The following TGFBRAP1 variants were observed in gnomAD, a reference collection of about 807,000 sequenced individuals.
TGFBRAP1 encodes the protein transforming growth factor beta receptor associated protein 1, also known as transforming growth factor-beta receptor-associated protein 1.
In TGFBRAP1, 20 loss-of-function variants were observed where a neutral mutation model predicts 83.2. That is an observed-to-expected ratio of 0.24 (90% CI 0.17 to 0.35). The LOEUF is 0.35. Among genes scored for constraint, TGFBRAP1 ranks in the 10% least tolerant of loss-of-function variants. TGFBRAP1 has a pLI of 1.00. For missense variants in TGFBRAP1, 950 were observed against 1,099.4 expected (o/e 0.86, Z 1.92); for synonymous variants, 415 against 459.8 (o/e 0.90, Z 1.25).
At chr2:105,285,930 C>T (rs1226127356) in intron 4 of TGFBRAP1, among the ~76,000 whole-genome samples, 2 of 152,150 alleles carry the variant, frequency 1.3e-5, no homozygotes, top group Admixed American at 1.3e-4. Context: ...CGTTCTGTTG[C>T]CTGGGAATGC....
At chr2:105,252,420 C>G in the TGFBRAP1 span, among the ~76,000 whole-genome samples, 1 of 152,220 alleles carries the variant, frequency 6.6e-6, no homozygotes, top group Non-Finnish European at 1.5e-5. Context: ...AGCAGCCAGT[C>G]TAGGCCACTA....
At chr2:105,279,807 G>A (rs1018649907) in intron 6 of TGFBRAP1, among the ~76,000 whole-genome samples, 6 of 152,200 alleles carry the variant, frequency 3.9e-5, no homozygotes, top group Non-Finnish European at 7.4e-5. Context: ...GGAGGCCGAG[G>A]CGAGCAGACC....
chr2:105,284,661 C>T (rs1348929652), intron 4 of TGFBRAP1, among the ~76,000 whole-genome samples: 1 of 152,188 alleles, frequency 6.6e-6, no homozygotes, highest in East Asian at 1.9e-4. Context: ...AGTCCCTGTA[C>T]TTGTGATTGC....
intron 3 of TGFBRAP1, among the ~76,000 whole-genome samples, chr2:105,297,561 T>A (rs1277199211): frequency 6.6e-6 from 1 of 152,368 alleles, no homozygotes; most frequent in East Asian, 1.9e-4. Context: ...GCAAGGGTAA[T>A]GTTTGGTGAA....
At chr2:105,270,126 A>G (rs1030875431) in intron 10 of TGFBRAP1, among the ~76,000 whole-genome samples, 1 of 152,074 alleles carries the variant, frequency 6.6e-6, no homozygotes, top group Admixed American at 6.5e-5. Flanking sequence ...AATCCTAACA[A>G]ACACTACTTC....
At chr2:105,288,615 C>T (rs1209330123) in intron 4 of TGFBRAP1, among the ~76,000 whole-genome samples, 2 of 152,106 alleles carry the variant, frequency 1.3e-5, no homozygotes, top group Non-Finnish European at 2.9e-5. Flanking sequence ...CTTGTAAGTA[C>T]AGCTAAATTC....
chr2:105,293,454 T>A (rs1340334594), intron 4 of TGFBRAP1, among the ~76,000 whole-genome samples: 14 of 152,156 alleles, frequency 9.2e-5, no homozygotes, highest in Non-Finnish European at 1.0e-4. Flanking sequence ...CCTTGCTAAT[T>A]CAGAACTCAG....
the TGFBRAP1 span, among the ~76,000 whole-genome samples, chr2:105,256,702 C>A: frequency 6.6e-6 from 1 of 152,194 alleles, no homozygotes; most frequent in African/African-American, 2.4e-5. Context: ...TCAGAGGCGT[C>A]TGAACCAGAG....
chr2:105,262,346 A>AGG (rs1676808719), downstream of TGFBRAP1, among the ~76,000 whole-genome samples: 1 of 152,114 alleles, frequency 6.6e-6, no homozygotes, highest in Admixed American at 6.6e-5. Context: ...GGCTGTTTAA[A>AGG]GGAGTCTGGC....
At chr2:105,260,282 C>T (rs753635405), downstream of TGFBRAP1, among the ~76,000 whole-genome samples, 5 of 152,088 alleles carry the variant, frequency 3.3e-5, no homozygotes, top group Admixed American at 6.6e-5. Context: ...TGGTGGCATG[C>T]GCCTATAATC....
chr2:105,314,045 T>C (rs1385496440), intron 1 of TGFBRAP1, among the ~76,000 whole-genome samples: 1 of 151,930 alleles, frequency 6.6e-6, no homozygotes, highest in African/African-American at 2.4e-5. Context: ...TAATCAAATA[T>C]GACTGTGTCC....
rs565327314 is a variant in TGFBRAP1 at position 105,269,254 on chromosome 2, G to T, written c.2406+18C>A. The T allele has an allele frequency of 1.2e-5, 19 of 1,565,746 alleles. No homozygotes were observed. The highest frequency in any genetic ancestry group is 1.6e-5 in the Non-Finnish European group (18 of 1,149,154). On this transcript the variant is annotated intron_variant, in intron 11 of 11. Coordinates refer to ENST00000393359, the MANE Select transcript of TGFBRAP1 (RefSeq NM_004257.6). The surrounding 1 kb of genome is among the most constrained non-coding windows in gnomAD (Gnocchi z 4.1). Reference sequence around the variant, plus strand: ...ATGTTGACTGACCAGGAAGCAGCTCGTGGGGGCCAGCACTTACCTTATCGT... The same window carrying T: ...ATGTTGACTGACCAGGAAGCAGCTCTTGGGGGCCAGCACTTACCTTATCGT...
intron 4 of TGFBRAP1, among the ~76,000 whole-genome samples, chr2:105,292,707 CA>C (rs1349332083): frequency 6.6e-6 from 1 of 151,632 alleles, no homozygotes; most frequent in African/African-American, 2.4e-5. Context: ...ACAGACCAGA[CA>C]GTAAAAGGGG....
intron 1 of TGFBRAP1, among the ~76,000 whole-genome samples, chr2:105,314,289 C>T (rs1264479966): frequency 1.4e-4 from 19 of 138,300 alleles, no homozygotes; most frequent in Admixed American, 5.4e-4. Context: ...CTCGCTCTGT[C>T]GCCCAGGCTG....
intron 1 of TGFBRAP1, among the ~76,000 whole-genome samples, chr2:105,314,283 C>G (rs1007249922): frequency 1.1e-4 from 15 of 141,306 alleles, no homozygotes; most frequent in Middle Eastern, 3.8e-3. Context: ...GACAGTCTCG[C>G]TCTGTCGCCC....
In TGFBRAP1 at chr2:105,275,629, A is replaced by G. The variant is rs2104323147; in HGVS notation, c.1596T>C (p.Phe532=). The G allele has an allele frequency of 3.1e-6, 5 of 1,614,248 alleles. No individual in the cohort carries two copies. The highest frequency in any genetic ancestry group is 4.2e-6 in the Non-Finnish European group (5 of 1,180,056). ...RSDLYEYIVD[F]LTYCLDEELV... is the part of the protein sequence containing the mutation. ...GTTCCTCGTCTAAGCAGTAGGTAAG[A>G]AAATCCACGATGTATTCATACAGGT... is the stretch of plus-strand genomic sequence containing the variant. The change falls in exon 8 of 12, where the codon TTT becomes TTC. Residue 532 remains phenylalanine, a synonymous_variant. Transcript: ENST00000393359.
chr2:105,266,319 G>A lies in TGFBRAP1; in HGVS notation c.*1064C>T, dbSNP rs889948760. 2.6e-5 allele frequency: 4 copies of A among 152,190 alleles called. No individual in the cohort carries two copies. Among genetic ancestry groups the A allele is most frequent in the African/African-American group, 9.7e-5 (4 of 41,448 alleles). 9.4% of individuals were successfully genotyped at this position (152,190 alleles called of 1,614,324 possible). A position where few individuals can be genotyped will look rare whatever the true frequency, so the allele number is the denominator to read the frequency against. On this transcript the variant is annotated 3_prime_UTR_variant, in exon 12 of 12. Coordinates refer to ENST00000393359, the MANE Select transcript of TGFBRAP1 (RefSeq NM_004257.6). Reference sequence around the variant, plus strand: ...TCCACCCGCTGTCGGTCCTGCTAAAGGTACGAGGCTAAAACCGGCCTCTCC... The same window carrying A: ...TCCACCCGCTGTCGGTCCTGCTAAAAGTACGAGGCTAAAACCGGCCTCTCC...
rs376885416 is a variant in TGFBRAP1 at position 105,267,390 on chromosome 2, C to T, written c.2576G>A (p.Arg859Gln). 32 of 1,613,940 alleles carry T rather than the reference C, an allele frequency of 2.0e-5. No homozygotes were observed. Among genetic ancestry groups the T allele is most frequent in the African/African-American group, 1.7e-4 (13 of 74,890 alleles). Residue 859 changes from arginine to glutamine, a missense_variant, in exon 12 of 12, where the codon CGG (arginine) becomes CAG (glutamine). Coordinates refer to ENST00000393359, the MANE Select transcript of TGFBRAP1 (RefSeq NM_004257.6). ...TNPSSSSPGT[R>Q]T Reference sequence around the variant, plus strand: ...ACCCTTGGGCCAAGCTTTTCAAGTCCGAGTGCCAGGACTGGATGAGCTGGG... The same window carrying T: ...ACCCTTGGGCCAAGCTTTTCAAGTCTGAGTGCCAGGACTGGATGAGCTGGG...
At chr2:105,292,443 G>A (rs1222834490) in intron 4 of TGFBRAP1, among the ~76,000 whole-genome samples, 1 of 152,120 alleles carries the variant, frequency 6.6e-6, no homozygotes, top group Non-Finnish European at 1.5e-5. Flanking sequence ...TCCAAGTGGG[G>A]AAGCAACAGA....
Sources: allele counts gnomAD v4.1 joint callset (sites outside exome capture counted in the v4.1 genomes callset), GRCh38; gene constraint gnomAD v4.1.1; non-coding constraint Gnocchi (gnomAD v3.1); transcripts MANE v1.5; gene names NCBI Gene and HGNC (gene_info 2026-07-23, HGNC 2026-07-21).